Variants in COL26A1 observed in about 807,000 individuals in gnomAD.
COL26A1 encodes collagen type XXVI alpha 1 chain.
COL26A1 carries 41 observed loss-of-function variants against 59.3 expected under a neutral mutation model. That is an observed-to-expected ratio of 0.69 (90% CI 0.54 to 0.90). The LOEUF is 0.90. Among genes scored for constraint, COL26A1 ranks in the 40% least tolerant of loss-of-function variants. COL26A1 has a pLI of 0.00. For missense variants in COL26A1, 612 were observed against 602.3 expected (o/e 1.02, Z -0.17); for synonymous variants, 266 against 256.0 (o/e 1.04, Z -0.37).
intron 3 of COL26A1, among the ~76,000 whole-genome samples, chr7:101,499,859 G>T (rs552106043): frequency 6.2e-5 from 9 of 144,878 alleles, no homozygotes; most frequent in Non-Finnish European, 1.2e-4. Context: ...CAACCTGGGT[G>T]ATAGAGGGAG....
chr7:101,518,529 C>T (rs1290222575), intron 3 of COL26A1, among the ~76,000 whole-genome samples: 1 of 152,258 alleles, frequency 6.6e-6, no homozygotes, highest in Non-Finnish European at 1.5e-5. Flanking sequence ...TCTCCCCCTG[C>T]ACTTGGTGTC....
Position 101,387,774 on chromosome 7 carries a change from A to ATTTT in COL26A1, c.158+24585_158+24586insTTTT, listed in dbSNP as rs1185449488. On this transcript the variant is annotated intron_variant, in intron 1 of 12. Coordinates refer to ENST00000313669, the MANE Select transcript of COL26A1 (RefSeq NM_001278563.3). ...TATATTTATATATATATATATATATATATATTTTTTTTTAAGACAGAGTCT... is the reference window on the plus strand; with the variant it reads ...TATATTTATATATATATATATATATATTTTTATATTTTTTTTTAAGACAGAGTCT... Among the ~76,000 whole-genome samples the ATTTT allele has an allele frequency of 7.8e-3, 379 of 48,808 alleles. 4 individuals carry two copies. The highest frequency in any genetic ancestry group is 0.018 in the South Asian group (20 of 1,134). The allele number at this position is 48,808 out of a possible 152,430, so 32.0% of individuals were successfully genotyped here. A position where few individuals can be genotyped will look rare whatever the true frequency, so the allele number is the denominator to read the frequency against.
At chr7:101,536,844 C>T (rs1366551307) in intron 4 of COL26A1, among the ~76,000 whole-genome samples, 3 of 152,204 alleles carry the variant, frequency 2.0e-5, no homozygotes, top group Admixed American at 1.3e-4. Context: ...GTTGATGCCT[C>T]ATGATTATAA....
intron 3 of COL26A1, among the ~76,000 whole-genome samples, chr7:101,461,010 CT>C (rs1431105041): frequency 6.6e-6 from 1 of 152,058 alleles, no homozygotes; most frequent in Non-Finnish European, 1.5e-5. Context: ...GAAACAGGGT[CT>C]TGCTCTGTCA....
Position 101,489,666 on chromosome 7 carries a change from TTCCTTCCTTCCTTC to T in COL26A1, c.385+41880_385+41893del, listed in dbSNP as rs1563007379. Reference sequence around the variant, plus strand: ...CTTTCTTTCTTTCTTTCTTTCTTCCTTCCTTCCTTCCTTCCTTTCTTTCTTTCTTTCTGTCTTTC... The same window carrying T: ...CTTTCTTTCTTTCTTTCTTTCTTCCTCTTTCTTTCTTTCTTTCTGTCTTTC... On this transcript the variant is annotated intron_variant, in intron 3 of 12. Transcript: ENST00000313669. Among the ~76,000 whole-genome samples, 530 of 54,844 alleles carry T rather than the reference TTCCTTCCTTCCTTC, an allele frequency of 9.7e-3. 87 individuals carry two copies. Among genetic ancestry groups the T allele is most frequent in the African/African-American group, 0.038 (226 of 5,910 alleles). 36.0% of individuals were successfully genotyped at this position (54,844 alleles called of 152,430 possible). A position where few individuals can be genotyped will look rare whatever the true frequency, so the allele number is the denominator to read the frequency against.
At chr7:101,499,974 C>T (rs1004733346) in intron 3 of COL26A1, among the ~76,000 whole-genome samples, 3 of 151,916 alleles carry the variant, frequency 2.0e-5, no homozygotes, top group Non-Finnish European at 4.4e-5. Context: ...CTACCCTTAC[C>T]CTTGAGTGGA....
At chr7:101,375,085 A>T (rs1039750934) in intron 1 of COL26A1, among the ~76,000 whole-genome samples, 3 of 150,556 alleles carry the variant, frequency 2.0e-5, no homozygotes, top group African/African-American at 7.4e-5. Flanking sequence ...TTAAATAAAT[A>T]AAAAAAAAGA....
chr7:101,459,212 A>C (rs1038549856), intron 3 of COL26A1, among the ~76,000 whole-genome samples: 2 of 152,150 alleles, frequency 1.3e-5, no homozygotes, highest in African/African-American at 4.8e-5. Context: ...GTCCCAGTAC[A>C]AGGGACAGGG....
intron 9 of COL26A1, among the ~76,000 whole-genome samples, chr7:101,550,133 G>C (rs1477341128): frequency 1.3e-5 from 2 of 152,152 alleles, no homozygotes; most frequent in African/African-American, 4.8e-5. Context: ...TTTCAGGGAG[G>C]GTGATTCCAT....
Position 101,557,486 on chromosome 7 carries a change from G to C in COL26A1, c.1282G>C (p.Asp428His). The change falls in exon 13 of 13, where the codon GAC becomes CAC. Residue 428 changes from aspartate (D) to histidine (H), a missense_variant. By Grantham distance (81) the Asp-to-His change is moderately conservative. Transcript: ENST00000313669. ...DGVLAALLGP[D>H]PGQKSVDQAS... ...GGTCCTTGCTGCCCTGCTTGGGCCC[G>C]ACCCTGGACAGAAGAGCGTGGACCA... is the stretch of plus-strand genomic sequence containing the variant. 2 of 1,613,674 alleles carry C rather than the reference G, an allele frequency of 1.2e-6. No individual in the cohort carries two copies. The highest frequency in any genetic ancestry group is 1.7e-6 in the Non-Finnish European group (2 of 1,179,740).
chr7:101,478,536 C>T (rs1373177336), intron 3 of COL26A1, among the ~76,000 whole-genome samples: 3 of 152,162 alleles, frequency 2.0e-5, no homozygotes, highest in Admixed American at 6.5e-5. Flanking sequence ...TCAAATTAAC[C>T]GAAAGTACAC....
intron 7 of COL26A1, 78 bp from the exon 8 acceptor site, chr7:101,547,078 G>T: frequency 9.6e-7 from 1 of 1,037,490 alleles, no homozygotes; most frequent in Non-Finnish European, 1.4e-6. Flanking sequence ...CTGGCTCAGG[G>T]CTCAGTGCCC....
chr7:101,463,948 C>T (rs572347650), intron 3 of COL26A1, among the ~76,000 whole-genome samples: 2 of 123,842 alleles, frequency 1.6e-5, no homozygotes, highest in South Asian at 2.6e-4. Flanking sequence ...CTTAATCTTT[C>T]TCTCTCTCTT....
chr7:101,429,706 C>A (rs1792736263), intron 2 of COL26A1, among the ~76,000 whole-genome samples: 2 of 149,534 alleles, frequency 1.3e-5, no homozygotes, highest in Non-Finnish European at 3.0e-5. Flanking sequence ...GATCCTCCTG[C>A]CTCAGCCTCC....
At chr7:101,438,133 G>C (rs528904138) in intron 2 of COL26A1, among the ~76,000 whole-genome samples, 1 of 151,426 alleles carries the variant, frequency 6.6e-6, no homozygotes, top group Non-Finnish European at 1.5e-5. Flanking sequence ...AAGCCGAGGC[G>C]GGCGGATCAC....
chr7:101,486,789 A>G (rs1411275230), intron 3 of COL26A1, among the ~76,000 whole-genome samples: 3 of 152,210 alleles, frequency 2.0e-5, no homozygotes, highest in African/African-American at 7.2e-5. Flanking sequence ...GCTATGGACC[A>G]CGTTTCCTCC....
intron 5 of COL26A1, among the ~76,000 whole-genome samples, chr7:101,542,129 G>A (rs563366488): frequency 3.3e-4 from 50 of 151,986 alleles, no homozygotes; most frequent in Admixed American, 4.6e-4. Context: ...ACCAAGCCCC[G>A]CTACTTTTTG....
chr7:101,475,269 G>A (rs549952100), intron 3 of COL26A1, among the ~76,000 whole-genome samples: 2 of 125,568 alleles, frequency 1.6e-5, no homozygotes, highest in African/African-American at 4.3e-5. Flanking sequence ...TCTTCTCTGT[G>A]TCCCTGTGTC....
At chr7:101,477,775 C>T (rs1016339889) in intron 3 of COL26A1, among the ~76,000 whole-genome samples, 10 of 152,110 alleles carry the variant, frequency 6.6e-5, no homozygotes, top group African/African-American at 2.4e-4. Flanking sequence ...CCTCTGTATA[C>T]CTTCATTTGT....
Sources: allele counts gnomAD v4.1 joint callset (sites outside exome capture counted in the v4.1 genomes callset), GRCh38; gene constraint gnomAD v4.1.1; transcripts MANE v1.5; gene names NCBI Gene and HGNC (gene_info 2026-07-23, HGNC 2026-07-21).